TMTC2: variants seen among roughly 807,000 people sequenced by gnomAD.
TMTC2 encodes the protein protein O-mannosyl-transferase TMTC2.
TMTC2 carries 43 observed loss-of-function variants against 82.4 expected under a neutral mutation model. The ratio of observed to expected loss-of-function variants is 0.52; its 90% CI spans 0.41 to 0.67. The LOEUF (loss-of-function observed/expected upper bound fraction) is 0.67. Ranked by LOEUF, TMTC2 falls within the 30% of genes least tolerant of loss-of-function variation. The pLI, the probability that TMTC2 is intolerant of heterozygous loss-of-function variation, is 0.00. For synonymous variants in TMTC2, 408 were observed against 381.9 expected (o/e 1.07, Z -0.80); for missense variants, 919 against 1,012.4 (o/e 0.91, Z 1.25).
chr12:82,849,014 G>T (rs1592571982), intron 1 of TMTC2, among the ~76,000 whole-genome samples: 1 of 152,132 alleles, frequency 6.6e-6, no homozygotes, highest in East Asian at 1.9e-4. Context: ...TGCGTATGGA[G>T]AAGTGATGGG....
chr12:82,976,197 A>T (rs1878665538), intron 7 of TMTC2, among the ~76,000 whole-genome samples: 1 of 152,168 alleles, frequency 6.6e-6, no homozygotes, highest in Non-Finnish European at 1.5e-5. Context: ...TTCCTTGAAA[A>T]TATAAAGGAA....
At chr12:82,849,437 A>G (rs933702063) in intron 1 of TMTC2, among the ~76,000 whole-genome samples, 2 of 152,078 alleles carry the variant, frequency 1.3e-5, no homozygotes, top group African/African-American at 2.4e-5. Flanking sequence ...TTCAAGGGAA[A>G]CTTCTGAATT....
At chr12:82,797,540 GT>G (rs1175890589) in intron 1 of TMTC2, among the ~76,000 whole-genome samples, 1 of 152,104 alleles carries the variant, frequency 6.6e-6, no homozygotes, top group East Asian at 1.9e-4. Context: ...CACAACATAT[GT>G]TGGTTGCCGT....
intron 4 of TMTC2, among the ~76,000 whole-genome samples, chr12:82,953,280 A>C (rs2137282522): frequency 6.6e-6 from 1 of 152,306 alleles, no homozygotes; most frequent in Non-Finnish European, 1.5e-5. Context: ...TTCAGTTCCA[A>C]CACAGTGGCT....
chr12:82,924,428 G>A (rs1055156085), intron 3 of TMTC2, among the ~76,000 whole-genome samples: 8 of 152,098 alleles, frequency 5.3e-5, no homozygotes, highest in African/African-American at 1.9e-4. Context: ...ATTATGAGGT[G>A]GTCTTTATTT....
At chr12:82,755,671 T>C (rs1876271383) in intron 1 of TMTC2, among the ~76,000 whole-genome samples, 1 of 152,138 alleles carries the variant, frequency 6.6e-6, no homozygotes, top group Non-Finnish European at 1.5e-5. Context: ...CCTGATCAGT[T>C]AGGCAAGCCA....
chr12:82,841,807 T>C (rs1421237005), intron 1 of TMTC2, among the ~76,000 whole-genome samples: 1 of 152,218 alleles, frequency 6.6e-6, no homozygotes, highest in Non-Finnish European at 1.5e-5. Context: ...GGTTAGCGTT[T>C]GGCTCTCATA....
chr12:82,899,682 A>G (rs1407779580), intron 3 of TMTC2, among the ~76,000 whole-genome samples: 1 of 143,212 alleles, frequency 7.0e-6, no homozygotes, highest in Non-Finnish European at 1.5e-5. Context: ...TATGTGGAAT[A>G]TATATATATA....
chr12:82,798,245 A>G (rs1024743077), intron 1 of TMTC2, among the ~76,000 whole-genome samples: 7 of 140,262 alleles, frequency 5.0e-5, no homozygotes, highest in African/African-American at 1.8e-4. Context: ...GTGAGCCACC[A>G]CGCCCGGCCA....
chr12:82,855,927 A>T (rs1192379720), intron 1 of TMTC2, among the ~76,000 whole-genome samples: 2 of 152,218 alleles, frequency 1.3e-5, no homozygotes, highest in Non-Finnish European at 2.9e-5. Context: ...ACATGTCCCC[A>T]GTAGTAGATG....
chr12:82,756,524 A>T (rs949269313), intron 1 of TMTC2, among the ~76,000 whole-genome samples: 1 of 152,206 alleles, frequency 6.6e-6, no homozygotes, highest in Non-Finnish European at 1.5e-5. Context: ...TGGTCACAGC[A>T]TGGGACAAAG....
At chr12:82,773,758 C>T (rs1877438414) in intron 1 of TMTC2, among the ~76,000 whole-genome samples, 1 of 152,116 alleles carries the variant, frequency 6.6e-6, no homozygotes, top group Non-Finnish European at 1.5e-5. Context: ...CACACCTAGC[C>T]ACTGATACTT....
chr12:82,975,747 C>T (rs199695447), intron 7 of TMTC2, among the ~76,000 whole-genome samples: 1 of 1,512 alleles, frequency 6.6e-4, no homozygotes, highest in Non-Finnish European at 2.2e-3. Context: ...CCATTACACT[C>T]TTTTGACTCA....
intron 1 of TMTC2, among the ~76,000 whole-genome samples, chr12:82,728,239 C>T (rs1362483636): frequency 6.6e-6 from 1 of 151,792 alleles, no homozygotes; most frequent in Admixed American, 6.6e-5. Flanking sequence ...AGAGATGAGT[C>T]CTATTCTGTT....
At chr12:82,688,508 G>A (rs1277225429) in intron 1 of TMTC2, among the ~76,000 whole-genome samples, 3 of 152,130 alleles carry the variant, frequency 2.0e-5, no homozygotes, top group East Asian at 3.8e-4. Flanking sequence ...TCTTTTAAAC[G>A]TTATTAGTGT....
chr12:83,113,900 A>G, intron 11 of TMTC2, among the ~76,000 whole-genome samples: 1 of 152,174 alleles, frequency 6.6e-6, no homozygotes, highest in East Asian at 1.9e-4. Flanking sequence ...AATACTTTCC[A>G]TTTGCTGTGT....
intron 2 of TMTC2, among the ~76,000 whole-genome samples, chr12:82,888,664 T>C (rs1435377821): frequency 1.3e-5 from 2 of 152,174 alleles, no homozygotes; most frequent in Admixed American, 6.5e-5. Flanking sequence ...GAGAGAAAGA[T>C]AGAAACTGAC....
intron 1 of TMTC2, among the ~76,000 whole-genome samples, chr12:82,749,059 G>A (rs1019031793): frequency 6.6e-6 from 1 of 152,220 alleles, no homozygotes; most frequent in African/African-American, 2.4e-5. Context: ...ATGAATAAGT[G>A]TAGCTTCTTG....
intron 1 of TMTC2, among the ~76,000 whole-genome samples, chr12:82,697,072 G>A (rs969446799): frequency 2.0e-5 from 3 of 151,558 alleles, no homozygotes; most frequent in African/African-American, 2.4e-5. Flanking sequence ...TTGGCCGGGC[G>A]CAGTGGCTCA....
Sources: gnomAD v4.1 joint callset for allele counts (sites outside exome capture counted in the v4.1 genomes callset) on GRCh38, gnomAD v4.1.1 for gene constraint, MANE v1.5 for transcripts, NCBI Gene and HGNC (gene_info 2026-07-23, HGNC 2026-07-21) for gene names.